The following HMGB1 variants were observed in gnomAD, a reference collection of about 807,000 sequenced individuals.
HMGB1 encodes the protein high mobility group protein B1.
For missense variants in HMGB1, 79 were observed against 253.5 expected (o/e 0.31, Z 4.67); for synonymous variants, 81 against 84.0 (o/e 0.96, Z 0.19).
intron 1 of HMGB1, among the ~76,000 whole-genome samples, chr13:30,485,380 T>G (rs1356832907): frequency 6.6e-6 from 1 of 152,140 alleles, no homozygotes; most frequent in Non-Finnish European, 1.5e-5. Flanking sequence ...AACTCCCACT[T>G]ATAACATAGG....
rs533289440 is a variant in HMGB1 at position 30,571,573 on chromosome 13, C to T, written c.-15+45098G>A. ...CCTCCCAAAGTGCTGGGATTACAGG[C>T]GTGAGCCACCGTACCCAGCCTAAAT... On this transcript the variant is annotated intron_variant, in intron 1 of 4. Transcript: ENST00000405805. Among the ~76,000 whole-genome samples the T allele has an allele frequency of 5.9e-5, 9 of 152,186 alleles. No individual in the cohort carries two copies. In the South Asian group the frequency reaches 1.5e-3, roughly 25 times the overall value.
intron 1 of HMGB1, among the ~76,000 whole-genome samples, chr13:30,569,594 A>G (rs1472471569): frequency 6.6e-6 from 1 of 152,204 alleles, no homozygotes; most frequent in African/African-American, 2.4e-5. Context: ...GACAATGTTC[A>G]TAAGTGCGTC....
chr13:30,477,931 A>G (rs73167321), intron 1 of HMGB1, among the ~76,000 whole-genome samples: 20,160 of 152,126 alleles, frequency 0.13, 1,388 homozygotes, highest in South Asian at 0.25. Flanking sequence ...AAGGTGTTAA[A>G]GAAAAAAAAA....
chr13:30,516,352 AT>A (rs981630783), intron 1 of HMGB1, among the ~76,000 whole-genome samples: 6 of 151,522 alleles, frequency 4.0e-5, no homozygotes, highest in Non-Finnish European at 7.4e-5. Flanking sequence ...CTTTTCACTA[AT>A]TTTTTTTTAC....
chr13:30,575,151 A>T (rs1027936273), intron 1 of HMGB1, among the ~76,000 whole-genome samples: 1 of 152,244 alleles, frequency 6.6e-6, no homozygotes, highest in Non-Finnish European at 1.5e-5. Context: ...AAAAAATAGT[A>T]GCCTTTTATA....
intron 1 of HMGB1, among the ~76,000 whole-genome samples, chr13:30,514,458 G>C (rs1442224002): frequency 3.3e-5 from 5 of 150,700 alleles, no homozygotes; most frequent in Non-Finnish European, 5.9e-5. Context: ...CATGTAGTTA[G>C]GACTACAGGC....
chr13:30,492,165 T>TAA (rs1275526384), intron 1 of HMGB1, among the ~76,000 whole-genome samples: 1 of 135,968 alleles, frequency 7.4e-6, no homozygotes, highest in Non-Finnish European at 1.6e-5. Flanking sequence ...AGACTCCCTC[T>TAA]AAAAAAAAAA....
chr13:30,551,267 T>C (rs535010597), intron 1 of HMGB1, among the ~76,000 whole-genome samples: 1 of 152,282 alleles, frequency 6.6e-6, no homozygotes, highest in Non-Finnish European at 1.5e-5. Flanking sequence ...CTAAAACTAA[T>C]TTTTTTCCTC....
At chr13:30,529,105 A>T (rs1470316117) in intron 1 of HMGB1, among the ~76,000 whole-genome samples, 1 of 150,312 alleles carries the variant, frequency 6.7e-6, no homozygotes, top group Admixed American at 6.7e-5. Flanking sequence ...CACATCCTTT[A>T]TAATTCGGTA....
intron 1 of HMGB1, chr13:30,554,537 A>C: frequency 1.2e-6 from 1 of 835,592 alleles, no homozygotes; most frequent in South Asian, 1.3e-5. Context: ...GAAACGGTGG[A>C]AAGAATTTTC....
At chr13:30,589,409 T>G (rs1871286647) in intron 1 of HMGB1, among the ~76,000 whole-genome samples, 1 of 152,234 alleles carries the variant, frequency 6.6e-6, no homozygotes, top group Non-Finnish European at 1.5e-5. Context: ...AAATGAGACC[T>G]GCTTGACTCC....
At chr13:30,490,026 C>CAA (rs780306690) in intron 1 of HMGB1, among the ~76,000 whole-genome samples, 1,776 of 65,142 alleles carry the variant, frequency 0.027, 50 homozygotes, top group Admixed American at 0.13. Flanking sequence ...GCGCTGGTCT[C>CAA]AAAAAAAAAA....
intron 1 of HMGB1, among the ~76,000 whole-genome samples, chr13:30,521,394 C>A (rs753939882): frequency 6.6e-6 from 1 of 152,136 alleles, no homozygotes; most frequent in Non-Finnish European, 1.5e-5. Flanking sequence ...GACTCCAAGC[C>A]CCTGGCCACC....
chr13:30,555,812 T>C (rs925396503), intron 1 of HMGB1, among the ~76,000 whole-genome samples: 1 of 152,192 alleles, frequency 6.6e-6, no homozygotes, highest in African/African-American at 2.4e-5. Context: ...CTTTGGGACC[T>C]CAAAAGTAGT....
intron 1 of HMGB1, among the ~76,000 whole-genome samples, chr13:30,509,536 C>G (rs903529178): frequency 7.2e-5 from 11 of 152,250 alleles, no homozygotes; most frequent in South Asian, 2.1e-4. Context: ...CCACGCCTGG[C>G]CGTGCCCCAA....
intron 1 of HMGB1, among the ~76,000 whole-genome samples, chr13:30,492,904 T>C (rs1324975427): frequency 6.6e-6 from 1 of 150,514 alleles, no homozygotes; most frequent in Non-Finnish European, 1.5e-5. Context: ...GGCAGGAGAA[T>C]TGCTTGAACC....
At chr13:30,472,984 G>A (rs1416755683) in intron 1 of HMGB1, among the ~76,000 whole-genome samples, 2 of 152,042 alleles carry the variant, frequency 1.3e-5, no homozygotes, top group African/African-American at 4.8e-5. Context: ...CACTATGCAC[G>A]GACCTCTCAT....
At chr13:30,571,715 T>C (rs182883025) in intron 1 of HMGB1, among the ~76,000 whole-genome samples, 7 of 152,264 alleles carry the variant, frequency 4.6e-5, no homozygotes, top group African/African-American at 1.7e-4. Flanking sequence ...TTTAAATCCA[T>C]CTGAATCTAC....
Position 30,500,801 on chromosome 13 carries a change from G to T in HMGB1, c.-14-37107C>A, listed in dbSNP as rs146115623. 8.6e-3 allele frequency among the ~76,000 whole-genome samples: 1,277 copies of T among 147,804 alleles called. 7 individuals carry two copies. The highest frequency in any genetic ancestry group is 0.036 in the Middle Eastern group (10 of 280). On this transcript the variant is annotated intron_variant, in intron 1 of 4. Coordinates refer to the HMGB1 transcript ENST00000405805. ...TGCAATGGCATGATCTTGGCTCACT[G>T]CAAGCTCCACCTCCCGGGTTCAAGG...
Sources: gnomAD v4.1 joint callset for allele counts (sites outside exome capture counted in the v4.1 genomes callset) on GRCh38, gnomAD v4.1.1 for gene constraint, MANE v1.5 for transcripts, NCBI Gene and HGNC (gene_info 2026-07-23, HGNC 2026-07-21) for gene names.